Variants in MTMR2 observed in about 807,000 individuals in gnomAD.
The protein encoded by MTMR2 is phosphatidylinositol-3,5-bisphosphate 3-phosphatase MTMR2.
MTMR2 carries 55 observed loss-of-function variants against 86.9 expected under a neutral mutation model. The observed-to-expected ratio is 0.63, with a 90% CI of 0.51 to 0.79. The LOEUF (loss-of-function observed/expected upper bound fraction) is 0.79. MTMR2 is among the 30% of genes least tolerant of loss of function. MTMR2 has a pLI of 0.00. For synonymous variants in MTMR2, 241 were observed against 266.8 expected, an observed-to-expected ratio of 0.90 and a Z score of 0.94; for missense variants, 659 against 772.3, an observed-to-expected ratio of 0.85 and a Z score of 1.74.
intron 7 of MTMR2, among the ~76,000 whole-genome samples, chr11:95,853,258 C>T (rs1864092487): frequency 6.6e-6 from 1 of 151,772 alleles, no homozygotes; most frequent in Admixed American, 6.6e-5. Context: ...TCCCTTATCC[C>T]TTACATCCAG....
At chr11:95,870,426 T>C (rs966867010) in intron 2 of MTMR2, among the ~76,000 whole-genome samples, 12 of 151,860 alleles carry the variant, frequency 7.9e-5, no homozygotes, top group Admixed American at 7.2e-4. Flanking sequence ...AGGAAGAAGA[T>C]GAAATGATGA....
At chr11:95,894,179 ATGCCCTCTT>A (rs963541393) in intron 1 of MTMR2, among the ~76,000 whole-genome samples, 3 of 152,002 alleles carry the variant, frequency 2.0e-5, no homozygotes, top group African/African-American at 7.3e-5. Flanking sequence ...ATAATCTTCC[ATGCCCTCTT>A]TGTCCCATCT....
At position 95,835,333 on chromosome 11, in the gene MTMR2, C is replaced by T; in HGVS notation, c.1889G>A (p.Ser630Asn). 1 of 1,613,062 alleles carries T rather than the reference C, an allele frequency of 6.2e-7. No homozygotes were observed. The highest frequency in any genetic ancestry group is 8.5e-7 in the Non-Finnish European group (1 of 1,179,348). Reference protein sequence around the residue: ...NRSTSSSERASSPAQCVTPVQ... With the variant: ...NRSTSSSERANSPAQCVTPVQ... ...AGGAGTGACACACTGTGCAGGAGAGCTGGCTCTCTCTGAGGATGAGGTTGA... is the reference window on the plus strand; with the variant it reads ...AGGAGTGACACACTGTGCAGGAGAGTTGGCTCTCTCTGAGGATGAGGTTGA... Residue 630 changes from serine to asparagine, a missense_variant, in exon 15 of 15, where the codon AGC (serine) becomes AAC (asparagine). Physicochemically the swap from Ser to Asn is conservative, Grantham distance 46. This residue lies in a region of MTMR2 where 193 missense variants were observed against 191.6 expected (regional missense o/e 1.01). Coordinates refer to ENST00000346299, the MANE Select transcript of MTMR2 (RefSeq NM_016156.6).
At chr11:95,861,149 CAAAA>C (rs566201038) in intron 5 of MTMR2, among the ~76,000 whole-genome samples, 1 of 72,218 alleles carries the variant, frequency 1.4e-5, no homozygotes, top group Non-Finnish European at 3.2e-5. Flanking sequence ...GACTCCGTCT[CAAAA>C]AAAAAAAAAA....
At chr11:95,876,241 GCT>G (rs776835038) in intron 2 of MTMR2, among the ~76,000 whole-genome samples, 6 of 152,202 alleles carry the variant, frequency 3.9e-5, no homozygotes, top group Non-Finnish European at 5.9e-5. Flanking sequence ...GCTGCGGTGG[GCT>G]CCACCCAGTT....
intron 1 of MTMR2, 133 bp from the exon 2 acceptor site, chr11:95,888,394 T>G: frequency 3.0e-6 from 2 of 675,458 alleles, no homozygotes; most frequent in South Asian, 3.3e-5. Flanking sequence ...GCCTATTCAA[T>G]CTTATCTCTA....
At chr11:95,880,358 A>G (rs1262202336) in intron 2 of MTMR2, among the ~76,000 whole-genome samples, 1 of 152,122 alleles carries the variant, frequency 6.6e-6, no homozygotes, top group Admixed American at 6.5e-5. Context: ...CATAGAATAT[A>G]CCACAATTTA....
chr11:95,887,059 A>G (rs1476918695), intron 2 of MTMR2, among the ~76,000 whole-genome samples: 1 of 152,178 alleles, frequency 6.6e-6, no homozygotes, highest in Non-Finnish European at 1.5e-5. Context: ...TCCCAATCTA[A>G]TATTTTATGA....
chr11:95,880,382 G>A (rs1235194657), intron 2 of MTMR2, among the ~76,000 whole-genome samples: 1 of 152,038 alleles, frequency 6.6e-6, no homozygotes, highest in Non-Finnish European at 1.5e-5. Context: ...ATGATCAAAT[G>A]ATGTACATTT....
At position 95,833,957 on chromosome 11, in the gene MTMR2, A is replaced by ATTGTT. The variant is rs763177578; in HGVS notation, c.*1328_*1332dup. ...GAGTGGAAAAACACTGTATATTTTA[A>ATTGTT]TTGTTTGATTTGGGTGTTGGTTAAG... On this transcript the variant is annotated 3_prime_UTR_variant, in exon 15 of 15. Coordinates refer to ENST00000346299, the MANE Select transcript of MTMR2 (RefSeq NM_016156.6). 3.3e-5 allele frequency: 5 copies of ATTGTT among 151,974 alleles called. No individual in the cohort carries two copies. Among genetic ancestry groups the ATTGTT allele is most frequent in the Non-Finnish European group, 7.4e-5 (5 of 67,858 alleles). 9.4% of individuals were successfully genotyped at this position (151,974 alleles called of 1,614,324 possible). A position where few individuals can be genotyped will look rare whatever the true frequency, so the allele number is the denominator to read the frequency against.
intron 7 of MTMR2, 61 bp from the exon 8 acceptor site, chr11:95,850,810 G>T (rs981453511): frequency 5.4e-6 from 8 of 1,490,318 alleles, no homozygotes; most frequent in Non-Finnish European, 7.4e-6. Flanking sequence ...AACGACACCA[G>T]GACAGAAGCC....
At chr11:95,856,343 T>A (rs1429064354) in intron 7 of MTMR2, among the ~76,000 whole-genome samples, 2 of 151,888 alleles carry the variant, frequency 1.3e-5, no homozygotes, top group Non-Finnish European at 1.5e-5. Flanking sequence ...CTTTTTTTTT[T>A]TTATTTAAAG....
intron 7 of MTMR2, among the ~76,000 whole-genome samples, chr11:95,856,165 C>A (rs1346436268): frequency 6.6e-6 from 1 of 151,964 alleles, no homozygotes; most frequent in Non-Finnish European, 1.5e-5. Flanking sequence ...GCTTTGTAGG[C>A]ATGAAACCTT....
chr11:95,921,600 T>C (rs889749125), intron 1 of MTMR2, among the ~76,000 whole-genome samples: 2 of 152,224 alleles, frequency 1.3e-5, no homozygotes, highest in African/African-American at 4.8e-5. Context: ...ATGTATCTAT[T>C]ACATACTGTT....
chr11:95,909,789 A>G (rs752031755), intron 1 of MTMR2, among the ~76,000 whole-genome samples: 12 of 152,158 alleles, frequency 7.9e-5, no homozygotes, highest in Non-Finnish European at 1.5e-4. Context: ...AATAAGGATC[A>G]AAAAGCAAGA....
At chr11:95,844,713 C>T (rs762710347) in intron 11 of MTMR2, among the ~76,000 whole-genome samples, 42 of 152,076 alleles carry the variant, frequency 2.8e-4, no homozygotes, top group Non-Finnish European at 5.3e-4. Flanking sequence ...GAATGATATC[C>T]GATGTTTCCC....
chr11:95,897,819 C>T (rs1865931524), intron 1 of MTMR2, among the ~76,000 whole-genome samples: 1 of 152,108 alleles, frequency 6.6e-6, no homozygotes, highest in African/African-American at 2.4e-5. Flanking sequence ...ACCAGACTAA[C>T]GTAAACTCTA....
chr11:95,921,132 T>G (rs1276514264), intron 1 of MTMR2, among the ~76,000 whole-genome samples: 1 of 152,230 alleles, frequency 6.6e-6, no homozygotes, highest in Non-Finnish European at 1.5e-5. Flanking sequence ...AAAGACGCAG[T>G]TATATAGTTA....
At chr11:95,855,631 A>AT (rs1428965408) in intron 7 of MTMR2, among the ~76,000 whole-genome samples, 1 of 151,536 alleles carries the variant, frequency 6.6e-6, no homozygotes, top group Non-Finnish European at 1.5e-5. Flanking sequence ...TGTAGCTTTC[A>AT]TTTTTTTAGT....
Sources: gnomAD v4.1 joint callset for allele counts (sites outside exome capture counted in the v4.1 genomes callset) on GRCh38, gnomAD v4.1.1 for gene constraint, gnomAD v4.1.1 regional missense constraint, MANE v1.5 for transcripts, NCBI Gene and HGNC (gene_info 2026-07-23, HGNC 2026-07-21) for gene names.